Variants in ENTPD5 observed in about 807,000 individuals in gnomAD.
ENTPD5 encodes nucleoside diphosphate phosphatase ENTPD5.
In ENTPD5, 49 loss-of-function variants were observed where a neutral mutation model predicts 60.2. That is an observed-to-expected ratio of 0.81 (90% CI 0.65 to 1.03). The LOEUF is 1.03. Ranked by LOEUF, ENTPD5 falls within the 50% of genes least tolerant of loss-of-function variation. The pLI, the probability that ENTPD5 is intolerant of heterozygous loss-of-function variation, is 0.00. For synonymous variants in ENTPD5, 187 were observed against 185.4 expected, an observed-to-expected ratio of 1.01 and a Z score of -0.07; for missense variants, 480 against 507.6, an observed-to-expected ratio of 0.95 and a Z score of 0.52.
At chr14:73,976,199 T>TCA (rs1374013958) in intron 9 of ENTPD5, 125 bp downstream of exon 9, 2 of 880,668 alleles carry the variant, frequency 2.3e-6, no homozygotes, top group Non-Finnish European at 3.7e-6. Context: ...TTCACCTAGT[T>TCA]ATTAATTGAC....
At chr14:74,001,299 G>A (rs1448620913) in intron 3 of ENTPD5, among the ~76,000 whole-genome samples, 4 of 152,094 alleles carry the variant, frequency 2.6e-5, no homozygotes, top group Non-Finnish European at 5.9e-5. Context: ...TCAAGAGATC[G>A]AGACCATCCT....
In ENTPD5 at chr14:73,967,130, C is replaced by T. The variant is rs112469671; in HGVS notation, c.1201-116G>A. 1.3e-5 allele frequency: 10 copies of T among 762,658 alleles called. 1 individual carries two copies. Among genetic ancestry groups the T allele is most frequent in the African/African-American group, 5.2e-5 (3 of 57,430 alleles). The allele number at this position is 762,658 out of a possible 1,614,324, so 47.2% of individuals were successfully genotyped here. A position where few individuals can be genotyped will look rare whatever the true frequency, so the allele number is the denominator to read the frequency against. ...TCCACATGGGCAAACCAAGGCAAAA[C>T]GGACAGAAGCCAGTCTTTGCAGGCT... On this transcript the variant is annotated intron_variant, in intron 15 of 15. Coordinates refer to ENST00000334696, the MANE Select transcript of ENTPD5 (RefSeq NM_001249.5).
intron 11 of ENTPD5, 24 bp downstream of exon 11, chr14:73,974,900 C>G (rs372944383): frequency 3.4e-5 from 54 of 1,602,650 alleles, no homozygotes; most frequent in African/African-American, 1.7e-4. Flanking sequence ...ACCATCCCCC[C>G]CCAGCACAGG....
At chr14:74,018,520 C>T (rs919077223) in intron 1 of ENTPD5, 2 of 152,170 alleles carry the variant, frequency 1.3e-5, no homozygotes, top group Admixed American at 1.3e-4. Flanking sequence ...AATGAGAATA[C>T]TTGTGAGTAC....
rs1040208225 is a variant in ENTPD5 at position 73,963,913 on chromosome 14, A to G, written c.*3015T>C. On this transcript the variant is annotated 3_prime_UTR_variant, in exon 16 of 16. Coordinates refer to ENST00000334696, the MANE Select transcript of ENTPD5 (RefSeq NM_001249.5). ...TAATTTTTAGAGCCATGAGAAATCT[A>G]TTCTTACAGGGGTGCTTTTCAGGCA... The G allele has an allele frequency of 1.3e-5, 2 of 152,202 alleles. No homozygotes were observed. Among genetic ancestry groups the G allele is most frequent in the Non-Finnish European group, 2.9e-5 (2 of 68,032 alleles). The allele number at this position is 152,202 out of a possible 1,614,324, so 9.4% of individuals were successfully genotyped here.
chr14:73,984,532 T>C (rs2057821185), intron 5 of ENTPD5, among the ~76,000 whole-genome samples: 1 of 152,218 alleles, frequency 6.6e-6, no homozygotes, highest in Non-Finnish European at 1.5e-5. Context: ...AACCATTATT[T>C]TAAATCCACT....
chr14:73,961,855 G>C, downstream of ENTPD5: 1 of 1,614,184 alleles, frequency 6.2e-7, no homozygotes, highest in Non-Finnish European at 8.5e-7. Context: ...CGCTTGTGTT[G>C]CTCAGGACGT....
intron 6 of ENTPD5, among the ~76,000 whole-genome samples, chr14:73,982,385 A>G (rs9744017): frequency 0.025 from 3,816 of 152,188 alleles, 167 homozygotes; most frequent in African/African-American, 0.088. Flanking sequence ...TAAAATAGAT[A>G]TATTTTATTG....
chr14:73,981,098 C>T (rs1433727148), intron 6 of ENTPD5, among the ~76,000 whole-genome samples: 3 of 150,794 alleles, frequency 2.0e-5, no homozygotes, highest in Non-Finnish European at 4.4e-5. Flanking sequence ...GTCTCCGCCT[C>T]TCAAAAAATA....
At chr14:73,987,001 T>TA in intron 4 of ENTPD5, 108 bp from the exon 5 acceptor site, 1 of 821,460 alleles carries the variant, frequency 1.2e-6, no homozygotes, top group Admixed American at 1.9e-5. Flanking sequence ...TTCCCTGAAG[T>TA]TATCCCAAAT....
chr14:73,971,801 TAGGC>T, intron 14 of ENTPD5, 47 bp downstream of exon 14: 1 of 1,262,926 alleles, frequency 7.9e-7, no homozygotes, highest in Non-Finnish European at 1.2e-6. Flanking sequence ...GTCACTAGAG[TAGGC>T]AGGCAGTCTC....
At position 74,018,179 on chromosome 14, in the gene ENTPD5, G is replaced by GAA. The variant is rs35872561; in HGVS notation, c.-238+1069_-238+1070dup. ...CTGGGTGACAGAAGACTCTCTCTCAGAAAAAAAAAAAAAAAAGTTTACAAG... is the reference window on the plus strand; with the variant it reads ...CTGGGTGACAGAAGACTCTCTCTCAGAAAAAAAAAAAAAAAAAAGTTTACAAG... On this transcript the variant is annotated intron_variant, in intron 1 of 15. Transcript: ENST00000334696. 5.9e-3 allele frequency among the ~76,000 whole-genome samples: 725 copies of GAA among 122,648 alleles called. 3 individuals are homozygous for GAA. The highest frequency in any genetic ancestry group is 0.02 in the African/African-American group (631 of 32,212). The allele number at this position is 122,648 out of a possible 152,430, so 80.5% of individuals were successfully genotyped here. A position where few individuals can be genotyped will look rare whatever the true frequency, so the allele number is the denominator to read the frequency against.
At chr14:73,969,887 T>C (rs1369552228) in intron 15 of ENTPD5, 123 bp downstream of exon 15, 6 of 691,802 alleles carry the variant, frequency 8.7e-6, no homozygotes, top group African/African-American at 5.3e-5. Context: ...ACCTTGTCCA[T>C]AGCCCAAACA....
In ENTPD5 at chr14:73,977,379, AG is replaced by A; in HGVS notation, c.442-6del. ...CTTCCTGAAGATCTCCTTTACCTAG[AG>A]AAAAAGGAAAAAAAAAAAAAAAGAA... On this transcript the variant is annotated splice_region_variant and splice_polypyrimidine_tract_variant and intron_variant, in intron 6 of 15. Coordinates refer to ENST00000334696, the MANE Select transcript of ENTPD5 (RefSeq NM_001249.5). The A allele has an allele frequency of 6.6e-7, 1 of 1,519,846 alleles. No individual in the cohort carries two copies. Among genetic ancestry groups the A allele is most frequent in the Admixed American group, 1.9e-5 (1 of 53,090 alleles). The allele number at this position is 1,519,846 out of a possible 1,614,324, so 94.1% of individuals were successfully genotyped here.
intron 2 of ENTPD5, among the ~76,000 whole-genome samples, chr14:74,012,955 A>G (rs1283604815): frequency 6.6e-6 from 1 of 152,210 alleles, no homozygotes; most frequent in Non-Finnish European, 1.5e-5. Flanking sequence ...CTGACATTCT[A>G]AGTCATTCAC....
At chr14:73,994,902 T>C (rs1379875653) in intron 3 of ENTPD5, among the ~76,000 whole-genome samples, 2 of 151,992 alleles carry the variant, frequency 1.3e-5, no homozygotes, top group Non-Finnish European at 2.9e-5. Flanking sequence ...GACCACATCA[T>C]GTTTTCCTAT....
downstream of ENTPD5, chr14:73,956,025 A>G: frequency 1.3e-6 from 2 of 1,567,350 alleles, no homozygotes; most frequent in Non-Finnish European, 1.7e-6. Flanking sequence ...AGTGTCCACC[A>G]TAAAGAAATC....
rs2059185924 is a variant in ENTPD5, at chr14:74,019,273, GC to G, written c.-262del. On this transcript the variant is annotated 5_prime_UTR_variant, in exon 1 of 16. Coordinates refer to ENST00000334696, the MANE Select transcript of ENTPD5 (RefSeq NM_001249.5). ...ACCGCGCGCGCGCCACCCTTGCGCGGCAGCCCGCCGCCCTCGGCGCGACCTC... is the reference window on the plus strand; with the variant it reads ...ACCGCGCGCGCGCCACCCTTGCGCGGAGCCCGCCGCCCTCGGCGCGACCTC... 1 of 390,998 alleles carries G rather than the reference GC, an allele frequency of 2.6e-6. No individual in the cohort carries two copies. The highest frequency in any genetic ancestry group is 6.4e-5 in the Admixed American group (1 of 15,708). 24.2% of individuals were successfully genotyped at this position (390,998 alleles called of 1,614,324 possible). A position where few individuals can be genotyped will look rare whatever the true frequency, so the allele number is the denominator to read the frequency against.
chr14:74,000,471 T>A lies in ENTPD5; in HGVS notation c.-71+10620A>T, dbSNP rs570715291. Among the ~76,000 whole-genome samples the A allele has an allele frequency of 1.7e-3, 261 of 149,378 alleles. 2 individuals are homozygous for A. Among genetic ancestry groups the A allele is most frequent in the African/African-American group, 4.9e-3 (200 of 40,408 alleles). On this transcript the variant is annotated intron_variant, in intron 3 of 15. Transcript: ENST00000334696. ...CTGAACCCCGTCTCAATTTAAAAAA[T>A]ATATATATAAGCATATATAAAAGAA...
Sources: gnomAD v4.1 joint callset for allele counts (sites outside exome capture counted in the v4.1 genomes callset) on GRCh38, gnomAD v4.1.1 for gene constraint, MANE v1.5 for transcripts, NCBI Gene and HGNC (gene_info 2026-07-23, HGNC 2026-07-21) for gene names.